DNAH5: variants seen among roughly 807,000 people sequenced by gnomAD.
DNAH5 encodes dynein axonemal heavy chain 5.
A neutral mutation model predicts 518.2 loss-of-function variants in DNAH5; 372 were observed. The observed-to-expected ratio is 0.72, with a 90% CI of 0.66 to 0.78. The LOEUF (loss-of-function observed/expected upper bound fraction) is 0.78. Among genes scored for constraint, DNAH5 ranks in the 30% least tolerant of loss-of-function variants. The pLI is 0.00. For missense variants in DNAH5, 5,523 were observed against 5,687.0 expected (o/e 0.97, Z 0.93); for synonymous variants, 2,039 against 2,025.9 (o/e 1.01, Z -0.17).
chr5:13,946,771 G>A (rs925666364), upstream of DNAH5, among the ~76,000 whole-genome samples: 3 of 152,164 alleles, frequency 2.0e-5, no homozygotes, highest in Admixed American at 6.5e-5. Context: ...TCATGTGGGC[G>A]GAAGGCTTCA....
At chr5:13,951,730 A>AT (rs1336717109) in intron 1 of DNAH5, among the ~76,000 whole-genome samples, 1 of 152,160 alleles carries the variant, frequency 6.6e-6, no homozygotes, top group African/African-American at 2.4e-5. Flanking sequence ...ACCCTGCAGA[A>AT]ACCAGACAGC....
intron 12 of DNAH5, 78 bp from the exon 13 acceptor site, chr5:13,902,216 A>C: frequency 9.3e-7 from 1 of 1,073,212 alleles, no homozygotes. Flanking sequence ...AGAGCTTTCC[A>C]TTCTGTGCAA....
At position 13,823,367 on chromosome 5, in the gene DNAH5, C is replaced by A; in HGVS notation, c.6583G>T (p.Asp2195Tyr). The A allele has an allele frequency of 6.2e-7, 1 of 1,606,388 alleles. No homozygotes were observed. Among genetic ancestry groups the A allele is most frequent in the Non-Finnish European group, 8.5e-7 (1 of 1,173,206 alleles). ...LRDMNLSKLI[D>Y]EDEPLFLSLI... ...CTCAAAAACAAGGGTTCATCCTCAT[C>A]AATCTAAAAAAAGAAAATGGGAAAT... Residue 2195 changes from aspartate to tyrosine, a missense_variant, in exon 40 of 79, where the codon GAT becomes TAT. Asp to Tyr is a radical substitution (Grantham distance 160). Transcript: ENST00000265104.
At chr5:14,005,397 C>G (rs1281965268) in intron 1 of DNAH5, among the ~76,000 whole-genome samples, 2 of 152,174 alleles carry the variant, frequency 1.3e-5, no homozygotes, top group African/African-American at 4.8e-5. Context: ...AGGTACTTGT[C>G]CATCTTTCAT....
At chr5:13,838,925 C>G (rs1580509449) in intron 35 of DNAH5, among the ~76,000 whole-genome samples, 1 of 151,828 alleles carries the variant, frequency 6.6e-6, no homozygotes, top group Admixed American at 6.6e-5. Flanking sequence ...ACTCTGGAGG[C>G]CTTTCCAGTG....
intron 1 of DNAH5, among the ~76,000 whole-genome samples, chr5:14,006,013 A>AC (rs1784699654): frequency 6.6e-6 from 1 of 150,598 alleles, no homozygotes; most frequent in African/African-American, 2.4e-5. Context: ...CCTGTTCCAA[A>AC]CCCACCCCCC....
At chr5:13,940,821 G>T (rs986870467) in intron 1 of DNAH5, among the ~76,000 whole-genome samples, 1 of 152,162 alleles carries the variant, frequency 6.6e-6, no homozygotes, top group East Asian at 1.9e-4. Context: ...CTAGACTTGT[G>T]CAAAAATTGA....
At chr5:13,742,003 C>T (rs1359501887) in intron 65 of DNAH5, among the ~76,000 whole-genome samples, 1 of 152,120 alleles carries the variant, frequency 6.6e-6, no homozygotes, top group Non-Finnish European at 1.5e-5. Flanking sequence ...TCCCTTCCAT[C>T]TTCTCCCTTG....
chr5:13,985,074 T>C (rs565507656), intron 1 of DNAH5, among the ~76,000 whole-genome samples: 1 of 152,204 alleles, frequency 6.6e-6, no homozygotes, highest in South Asian at 2.1e-4. Flanking sequence ...GTGGCACAAA[T>C]ACACCATGGA....
chr5:13,962,960 G>A (rs1034822625), intron 1 of DNAH5, among the ~76,000 whole-genome samples: 19 of 152,036 alleles, frequency 1.2e-4, no homozygotes, highest in Admixed American at 7.9e-4. Flanking sequence ...CCACAGCAGC[G>A]GTGCATCCAC....
intron 74 of DNAH5, 42 bp from the exon 75 acceptor site, chr5:13,714,662 A>G: frequency 1.9e-6 from 3 of 1,593,402 alleles, no homozygotes; most frequent in Non-Finnish European, 2.6e-6. Flanking sequence ...CTGCCAACAT[A>G]AGCACCGTCT....
chr5:13,981,567 G>A (rs778640028), intron 1 of DNAH5, among the ~76,000 whole-genome samples: 5 of 152,178 alleles, frequency 3.3e-5, no homozygotes, highest in Non-Finnish European at 7.3e-5. Context: ...GAAGTGGAAT[G>A]TGCTGGCTCT....
chr5:13,696,632 AT>A (rs1221236065), intron 78 of DNAH5, among the ~76,000 whole-genome samples: 6 of 152,206 alleles, frequency 3.9e-5, no homozygotes, highest in Non-Finnish European at 7.3e-5. Flanking sequence ...TTGGTCATTA[AT>A]GATGCTACAC....
At chr5:13,814,458 G>A (rs1561331880) in intron 43 of DNAH5, 147 bp downstream of exon 43, 1 of 782,200 alleles carries the variant, frequency 1.3e-6, no homozygotes, top group African/African-American at 1.7e-5. Flanking sequence ...GGGTTTGAAT[G>A]TCCCAGTGCA....
At chr5:13,964,394 G>T (rs372480022) in intron 1 of DNAH5, among the ~76,000 whole-genome samples, 1 of 152,144 alleles carries the variant, frequency 6.6e-6, no homozygotes, top group Non-Finnish European at 1.5e-5. Flanking sequence ...CCAGTGACTG[G>T]GTAAATGGCA....
intron 1 of DNAH5, among the ~76,000 whole-genome samples, chr5:13,978,469 T>C (rs1345294419): frequency 1.3e-5 from 2 of 152,192 alleles, no homozygotes; most frequent in Non-Finnish European, 2.9e-5. Context: ...ACATCTGCTC[T>C]CCGTAGTCTC....
chr5:13,752,129 C>A lies in DNAH5; in HGVS notation c.11028+5G>T, dbSNP rs1419129615. The stretch of plus-strand genomic sequence containing the variant: ...TGCACATTGTCATCCATAGGTTTAA[C>A]CTACCTTAAAGGTAGACCCAGTTTT... On this transcript the variant is annotated splice_donor_5th_base_variant and intron_variant, in intron 64 of 78. Transcript: ENST00000265104. 6.2e-7 allele frequency: 1 copy of A among 1,613,474 alleles called. No individual in the cohort carries two copies. The highest frequency in any genetic ancestry group is 8.5e-7 in the Non-Finnish European group (1 of 1,179,668).
intron 65 of DNAH5, among the ~76,000 whole-genome samples, chr5:13,747,757 G>A (rs1273822101): frequency 6.6e-6 from 1 of 151,942 alleles, no homozygotes; most frequent in South Asian, 2.1e-4. Context: ...AAATTTCTTT[G>A]AGTTCTTTGT....
At chr5:13,738,940 T>C (rs1454046272) in intron 65 of DNAH5, among the ~76,000 whole-genome samples, 5 of 152,216 alleles carry the variant, frequency 3.3e-5, no homozygotes, top group Non-Finnish European at 7.3e-5. Flanking sequence ...ACAATTTGCC[T>C]ATGTTTAACT....
Sources: allele counts gnomAD v4.1 joint callset (sites outside exome capture counted in the v4.1 genomes callset), GRCh38; gene constraint gnomAD v4.1.1; transcripts MANE v1.5; gene names NCBI Gene and HGNC (gene_info 2026-07-23, HGNC 2026-07-21).